Variants in SLC8A3 observed in about 807,000 individuals in gnomAD.
The protein encoded by SLC8A3 is solute carrier family 8 member A3.
SLC8A3 carries 37 observed loss-of-function variants against 65.4 expected under a neutral mutation model. The observed-to-expected ratio is 0.57, with a 90% confidence interval of 0.44 to 0.74. The LOEUF (loss-of-function observed/expected upper bound fraction) is 0.74, where lower values mean the gene tolerates loss of function less well. Ranked by LOEUF, SLC8A3 falls within the 30% of genes least tolerant of loss-of-function variation. SLC8A3 has a pLI of 0.00. For missense variants in SLC8A3, 1,112 were observed against 1,172.1 expected (o/e 0.95, Z 0.75); for synonymous variants, 461 against 444.5 (o/e 1.04, Z -0.47).
rs745605771 is a variant in SLC8A3 at position 70,167,970 on chromosome 14, A to G, written c.453T>C (p.Ser151=). 2 of 1,614,156 alleles carry G rather than the reference A, an allele frequency of 1.2e-6. No individual in the cohort carries two copies. Among genetic ancestry groups the G allele is most frequent in the East Asian group, 4.5e-5 (2 of 44,890 alleles). ...ACCCATGACCACACACCTCAATTAA[A>G]GAGAGGAGTATCTCAGGAGCAGAGG... ...LGSSAPEILL[S]LIEVCGHGFI... Residue 151 remains serine, a synonymous_variant, in exon 2 of 7, where the codon TCT becomes TCC. Coordinates refer to ENST00000356921, the MANE Select transcript of SLC8A3 (RefSeq NM_182932.3).
chr14:70,106,655 G>C (rs905518545), intron 2 of SLC8A3, among the ~76,000 whole-genome samples: 17 of 152,132 alleles, frequency 1.1e-4, no homozygotes, highest in Admixed American at 2.6e-4. Flanking sequence ...CCTCACTAGA[G>C]TAAACTGGGA....
chr14:70,152,762 C>T (rs112375402), intron 2 of SLC8A3, among the ~76,000 whole-genome samples: 5,010 of 152,298 alleles, frequency 0.033, 282 homozygotes, highest in African/African-American at 0.11. Context: ...AAGTGCTGTG[C>T]AGAACTGCGT....
intron 2 of SLC8A3, among the ~76,000 whole-genome samples, chr14:70,067,513 A>T (rs866269427): frequency 6.6e-6 from 1 of 152,228 alleles, no homozygotes; most frequent in African/African-American, 2.4e-5. Context: ...AGTGCCCAGC[A>T]CAGTGCCTGG....
At chr14:70,143,190 C>A (rs578020275) in intron 2 of SLC8A3, among the ~76,000 whole-genome samples, 1 of 152,132 alleles carries the variant, frequency 6.6e-6, no homozygotes, top group Non-Finnish European at 1.5e-5. Flanking sequence ...CCTGTAGATG[C>A]GTTAAGTTTT....
rs113685016 is a variant in SLC8A3 at position 70,069,446 on chromosome 14, C to T, written c.1785-8507G>A. ...TTCATCACTTCTGAATGTATCCTTGCTGCTCCGGGTCAGCTAACACTCACA... is the reference window on the plus strand; with the variant it reads ...TTCATCACTTCTGAATGTATCCTTGTTGCTCCGGGTCAGCTAACACTCACA... On this transcript the variant is annotated intron_variant, in intron 2 of 6. Transcript: ENST00000356921. 8.6e-3 allele frequency among the ~76,000 whole-genome samples: 1,311 copies of T among 152,288 alleles called. 17 individuals carry two copies. Among genetic ancestry groups the T allele is most frequent in the African/African-American group, 0.031 (1,280 of 41,540 alleles).
intron 2 of SLC8A3, among the ~76,000 whole-genome samples, chr14:70,136,060 A>G (rs1895178654): frequency 6.6e-6 from 1 of 152,186 alleles, no homozygotes; most frequent in Non-Finnish European, 1.5e-5. Flanking sequence ...AAATGAATAA[A>G]TAAATAAATA....
intron 1 of SLC8A3, among the ~76,000 whole-genome samples, chr14:70,170,719 C>T (rs1017457615): frequency 2.0e-5 from 3 of 152,126 alleles, no homozygotes; most frequent in Non-Finnish European, 4.4e-5. Context: ...CTTCGGGACA[C>T]AAAACATCAG....
At position 70,045,899 on chromosome 14, in the gene SLC8A3, C is replaced by G; in HGVS notation, c.*48G>C. ...ATCACTGGTGGGGAAGTGCCCTTCT[C>G]TTAGGAGAAGTCCTAGGCCTGCCCT... On this transcript the variant is annotated 3_prime_UTR_variant, in exon 7 of 7. Coordinates refer to ENST00000356921, the MANE Select transcript of SLC8A3 (RefSeq NM_182932.3). The G allele has an allele frequency of 1.3e-6, 2 of 1,503,124 alleles. No individual in the cohort carries two copies. Among genetic ancestry groups the G allele is most frequent in the Non-Finnish European group, 1.8e-6 (2 of 1,121,932 alleles). The allele number at this position is 1,503,124 out of a possible 1,614,324, so 93.1% of individuals were successfully genotyped here. A position where few individuals can be genotyped will look rare whatever the true frequency, so the allele number is the denominator to read the frequency against.
intron 2 of SLC8A3, among the ~76,000 whole-genome samples, chr14:70,068,676 G>A (rs1214451972): frequency 1.3e-5 from 2 of 152,094 alleles, no homozygotes; most frequent in Non-Finnish European, 2.9e-5. Flanking sequence ...AAGTCACCAT[G>A]TCAGGCCTCT....
chr14:70,057,926 G>A (rs561934983), intron 3 of SLC8A3, among the ~76,000 whole-genome samples: 34 of 152,284 alleles, frequency 2.2e-4, no homozygotes, highest in South Asian at 1.0e-3. Flanking sequence ...CTTTCTATCC[G>A]AAGGCTTCCA....
At chr14:70,129,038 A>G (rs1894661116) in intron 2 of SLC8A3, among the ~76,000 whole-genome samples, 1 of 152,168 alleles carries the variant, frequency 6.6e-6, no homozygotes, top group South Asian at 2.1e-4. Flanking sequence ...AAATCCCAAC[A>G]CATATCTCTT....
At chr14:70,184,501 T>A (rs973589525) in intron 1 of SLC8A3, among the ~76,000 whole-genome samples, 4 of 152,146 alleles carry the variant, frequency 2.6e-5, no homozygotes, top group Non-Finnish European at 4.4e-5. Context: ...CATAACACTT[T>A]CTCCCTCCAC....
At chr14:70,177,520 C>A (rs1377800480) in intron 1 of SLC8A3, among the ~76,000 whole-genome samples, 2 of 152,164 alleles carry the variant, frequency 1.3e-5, no homozygotes, top group Non-Finnish European at 2.9e-5. Context: ...CTGCATGAAC[C>A]AGCTAACATT....
At chr14:70,097,697 A>T (rs1045574581) in intron 2 of SLC8A3, among the ~76,000 whole-genome samples, 2 of 151,994 alleles carry the variant, frequency 1.3e-5, no homozygotes, top group Non-Finnish European at 2.9e-5. Context: ...GTTTTTTTTT[A>T]ATCTCTTTGT....
chr14:70,177,962 T>G (rs1020109836), intron 1 of SLC8A3, among the ~76,000 whole-genome samples: 2 of 151,784 alleles, frequency 1.3e-5, no homozygotes, highest in African/African-American at 4.8e-5. Context: ...ACCAAGGCAG[T>G]GGGAAAAGGG....
chr14:70,139,466 T>C (rs1020099904), intron 2 of SLC8A3, among the ~76,000 whole-genome samples: 4 of 152,140 alleles, frequency 2.6e-5, no homozygotes, highest in Non-Finnish European at 5.9e-5. Context: ...GTTGGGGCCA[T>C]ATGAGAACAC....
chr14:70,098,581 C>G (rs1892348797), intron 2 of SLC8A3, among the ~76,000 whole-genome samples: 1 of 152,162 alleles, frequency 6.6e-6, no homozygotes, highest in East Asian at 1.9e-4. Flanking sequence ...AGCCTCTTGG[C>G]CCAGCAGCGC....
chr14:70,052,321 G>T (rs1031929763), intron 3 of SLC8A3, among the ~76,000 whole-genome samples: 1 of 152,166 alleles, frequency 6.6e-6, no homozygotes, highest in Non-Finnish European at 1.5e-5. Context: ...TGGGATAAGC[G>T]TTCCTCTTTC....
chr14:70,122,309 G>T (rs1894124412), intron 2 of SLC8A3, among the ~76,000 whole-genome samples: 2 of 152,148 alleles, frequency 1.3e-5, no homozygotes, highest in Non-Finnish European at 1.5e-5. Flanking sequence ...TTTCACAGAA[G>T]ACTCATTTCT....
Sources: allele counts gnomAD v4.1 joint callset (sites outside exome capture counted in the v4.1 genomes callset), GRCh38; gene constraint gnomAD v4.1.1; transcripts MANE v1.5; gene names NCBI Gene and HGNC (gene_info 2026-07-23, HGNC 2026-07-21).